RIMBP2: variants seen among roughly 807,000 people sequenced by gnomAD.
RIMBP2 encodes RIMS-binding protein 2.
In RIMBP2, 48 loss-of-function variants were observed where a neutral mutation model predicts 118.6. That is an observed-to-expected ratio of 0.40 (90% CI 0.32 to 0.51). The LOEUF is 0.51. RIMBP2 is among the 20% of genes least tolerant of loss of function. RIMBP2 has a pLI of 0.41. For missense variants in RIMBP2, 1,551 were observed against 1,768.3 expected (o/e 0.88, Z 2.20); for synonymous variants, 762 against 742.9 (o/e 1.03, Z -0.42).
chr12:130,504,806 C>T (rs1381552883), intron 4 of RIMBP2, among the ~76,000 whole-genome samples: 3 of 152,186 alleles, frequency 2.0e-5, no homozygotes, highest in Non-Finnish European at 4.4e-5. Context: ...GGAGACTGAT[C>T]TGCACGGATC....
chr12:130,532,696 C>T (rs1406618498), intron 2 of RIMBP2, among the ~76,000 whole-genome samples: 359 of 69,294 alleles, frequency 5.2e-3, no homozygotes, highest in Middle Eastern at 0.012. Flanking sequence ...TGCGTGTGTT[C>T]AGCCTCTAGG....
At chr12:130,585,634 G>C (rs2058835210) in intron 2 of RIMBP2, among the ~76,000 whole-genome samples, 1 of 151,024 alleles carries the variant, frequency 6.6e-6, no homozygotes, top group Non-Finnish European at 1.5e-5. Flanking sequence ...AAAAAAAAGA[G>C]GCCAGTTTTT....
intron 1 of RIMBP2, among the ~76,000 whole-genome samples, chr12:130,639,042 G>GA (rs1214824047): frequency 6.6e-6 from 1 of 152,158 alleles, no homozygotes; most frequent in Non-Finnish European, 1.5e-5. Context: ...GGGTGCTTGG[G>GA]AACTCCCTGT....
chr12:130,485,999 G>A (rs1054731640), intron 4 of RIMBP2, among the ~76,000 whole-genome samples: 1 of 152,166 alleles, frequency 6.6e-6, no homozygotes, highest in Admixed American at 6.5e-5. Flanking sequence ...GGAGGACAAG[G>A]TTTGCTGGGG....
At chr12:130,571,357 G>A (rs1441194200) in intron 2 of RIMBP2, among the ~76,000 whole-genome samples, 2 of 151,630 alleles carry the variant, frequency 1.3e-5, no homozygotes, top group East Asian at 1.9e-4. Context: ...TTTTGACCAC[G>A]TGTTCGCTGC....
At chr12:130,592,821 G>T (rs1275579735) in intron 2 of RIMBP2, among the ~76,000 whole-genome samples, 1 of 152,164 alleles carries the variant, frequency 6.6e-6, no homozygotes, top group Non-Finnish European at 1.5e-5. Flanking sequence ...TGTTTCCCAG[G>T]CAGGGAAATC....
chr12:130,448,811 C>A (rs773070344), intron 9 of RIMBP2, among the ~76,000 whole-genome samples: 13 of 152,248 alleles, frequency 8.5e-5, no homozygotes, highest in African/African-American at 2.7e-4. Context: ...GGGGCATCTA[C>A]CCCAGTGCTT....
At chr12:130,571,975 G>A (rs540568565) in intron 2 of RIMBP2, among the ~76,000 whole-genome samples, 28 of 152,280 alleles carry the variant, frequency 1.8e-4, no homozygotes, top group African/African-American at 5.5e-4. Flanking sequence ...GGCCTGTCCC[G>A]GCGCCCTCGG....
At chr12:130,646,954 A>T (rs985607463) in intron 1 of RIMBP2, among the ~76,000 whole-genome samples, 1 of 152,222 alleles carries the variant, frequency 6.6e-6, no homozygotes, top group Non-Finnish European at 1.5e-5. Context: ...CCTGGCCTAG[A>T]GGCCCAGCCT....
At chr12:130,425,772 G>A (rs967132951) in intron 15 of RIMBP2, 2 of 152,404 alleles carry the variant, frequency 1.3e-5, no homozygotes, top group African/African-American at 4.8e-5. Context: ...GCGTGCCCCT[G>A]GGTCCTGGCC....
chr12:130,451,104 G>C, intron 8 of RIMBP2, 91 bp downstream of exon 8: 3 of 1,381,368 alleles, frequency 2.2e-6, no homozygotes, highest in Non-Finnish European at 3.0e-6. Flanking sequence ...GGAGGAAGAT[G>C]GGGAAGAAAA....
intron 6 of RIMBP2, among the ~76,000 whole-genome samples, chr12:130,464,313 G>A (rs1429868307): frequency 6.6e-6 from 1 of 152,210 alleles, no homozygotes; most frequent in Non-Finnish European, 1.5e-5. Flanking sequence ...GTAACATTAG[G>A]AAAATTTGGA....
rs869173 is a variant in RIMBP2 at position 130,424,972 on chromosome 12, G to A, written c.2413-114C>T. On this transcript the variant is annotated intron_variant, in intron 15 of 22. Transcript: ENST00000690449. The surrounding 1 kb of genome is among the most constrained non-coding windows in gnomAD (Gnocchi z 9.8). ...AGAATTAGTCCTGGAGGCACCGAGG[G>A]GGGGGAAGCATGCGTCTACTCAGGC... The A allele has an allele frequency of 1.7e-4, 93 of 550,098 alleles. No homozygotes were observed. Among genetic ancestry groups the A allele is most frequent in the East Asian group, 1.3e-3 (38 of 28,664 alleles). 34.1% of individuals were successfully genotyped at this position (550,098 alleles called of 1,614,324 possible). A position where few individuals can be genotyped will look rare whatever the true frequency, so the allele number is the denominator to read the frequency against.
At chr12:130,539,581 G>A (rs1428688407) in intron 2 of RIMBP2, among the ~76,000 whole-genome samples, 1 of 146,270 alleles carries the variant, frequency 6.8e-6, no homozygotes, top group Non-Finnish European at 1.5e-5. Context: ...TCGATGGGGT[G>A]GCCAGGTGTA....
chr12:130,480,237 C>CACG (rs59071818), intron 4 of RIMBP2, among the ~76,000 whole-genome samples: 8,859 of 150,236 alleles, frequency 0.059, 430 homozygotes, highest in African/African-American at 0.12. Flanking sequence ...ACACACACAC[C>CACG]TGTGGTAACT....
chr12:130,691,177 T>C (rs2136657811), intron 1 of RIMBP2, among the ~76,000 whole-genome samples: 1 of 152,182 alleles, frequency 6.6e-6, no homozygotes, highest in Admixed American at 6.5e-5. Flanking sequence ...AGTGCCCTTG[T>C]TTTCCTACAG....
chr12:130,604,471 CCACTCACTCACTCACTCACTCACTCACT>C (rs140093680), intron 2 of RIMBP2, among the ~76,000 whole-genome samples: 18 of 134,062 alleles, frequency 1.3e-4, no homozygotes, highest in African/African-American at 2.3e-4. Context: ...CATTCACTCT[CCACTCACTCACTCACTCACTCACTCACT>C]CACTCACTCA....
chr12:130,571,060 C>T (rs575332757), intron 2 of RIMBP2, among the ~76,000 whole-genome samples: 2 of 152,208 alleles, frequency 1.3e-5, no homozygotes, highest in South Asian at 4.2e-4. Context: ...CGAGAAAAAA[C>T]GTGCTGCGGT....
chr12:130,708,899 G>C (rs991776196), intron 1 of RIMBP2, among the ~76,000 whole-genome samples: 1 of 152,150 alleles, frequency 6.6e-6, no homozygotes, highest in African/African-American at 2.4e-5. Context: ...CAGCTTCGCG[G>C]TCAGGCAGCC....
Sources: allele counts gnomAD v4.1 joint callset (sites outside exome capture counted in the v4.1 genomes callset), GRCh38; gene constraint gnomAD v4.1.1; non-coding constraint Gnocchi (gnomAD v3.1); transcripts MANE v1.5; gene names NCBI Gene and HGNC (gene_info 2026-07-23, HGNC 2026-07-21).